The following SPPL2B variants were observed in gnomAD, a reference collection of about 807,000 sequenced individuals.
SPPL2B encodes signal peptide peptidase-like 2B.
Under a neutral mutation model 59.7 loss-of-function variants are expected in SPPL2B, and 39 were observed. That is an observed-to-expected ratio of 0.65 (90% CI 0.51 to 0.85). SPPL2B has a LOEUF of 0.85. Ranked by LOEUF, SPPL2B falls within the 40% of genes least tolerant of loss-of-function variation. The pLI, the probability that SPPL2B is intolerant of heterozygous loss-of-function variation, is 0.00. For missense variants in SPPL2B, 865 were observed against 849.0 expected, an observed-to-expected ratio of 1.02 and a Z score of -0.23; for synonymous variants, 419 against 370.8, an observed-to-expected ratio of 1.13 and a Z score of -1.49.
At chr19:2,341,365 G>A (rs1224714709) in intron 8 of SPPL2B, 4 of 499,970 alleles carry the variant, frequency 8.0e-6, no homozygotes, top group Non-Finnish European at 1.6e-5. Context: ...CCACGTGCAC[G>A]CCGCAGGTTC....
intron 1 of SPPL2B, 34 bp downstream of exon 1, chr19:2,328,809 G>A: frequency 7.4e-7 from 1 of 1,347,736 alleles, no homozygotes; most frequent in South Asian, 1.8e-5. Flanking sequence ...GGCACCGCGG[G>A]CTGCGGCCCT....
At position 2,337,873 on chromosome 19, in the gene SPPL2B, G is replaced by A. The variant is rs150115258; in HGVS notation, c.369+248G>A. On this transcript the variant is annotated intron_variant, in intron 3 of 14. Transcript: ENST00000613503. ...GCTGTGGAACTTTGGCCGTGGTCTT[G>A]TTGGGTGCCTGTCCTAGAGCAGCCC... is the stretch of plus-strand genomic sequence containing the variant. 3.0e-3 allele frequency: 1,493 copies of A among 490,780 alleles called. 4 individuals are homozygous for A. Among genetic ancestry groups the A allele is most frequent in the Non-Finnish European group, 4.5e-3 (1,242 of 276,600 alleles). 30.4% of individuals were successfully genotyped at this position (490,780 alleles called of 1,614,324 possible). A position where few individuals can be genotyped will look rare whatever the true frequency, so the allele number is the denominator to read the frequency against.
In SPPL2B at chr19:2,353,091, G is replaced by A. The variant is rs369670940; in HGVS notation, c.1661G>A (p.Arg554His). The A allele has an allele frequency of 2.5e-6, 4 of 1,611,472 alleles. No individual in the cohort carries two copies. The highest frequency in any genetic ancestry group is 2.2e-5 in the East Asian group (1 of 44,850). ...PWPAEQSPKS[R>H]TSEEMGAGAP... ...CCTGCTGAGCAGTCCCCAAAATCAC[G>A]CACGTCCGAGGAGATGGGGGCTGGA... is the stretch of plus-strand genomic sequence containing the variant. The change falls in exon 15 of 15, where the codon CGC becomes CAC. Residue 554 changes from arginine to histidine, a missense_variant. Physicochemically the swap from Arg to His is conservative, Grantham distance 29. Coordinates refer to ENST00000613503, the MANE Select transcript of SPPL2B (RefSeq NM_152988.3).
intron 8 of SPPL2B, chr19:2,341,885 C>G (rs1969079914): frequency 3.5e-6 from 1 of 286,178 alleles, no homozygotes; most frequent in Non-Finnish European, 7.0e-6. Flanking sequence ...ATCACTTTGC[C>G]CAGGAGTTCA....
At chr19:2,346,328 C>A (rs72987477) in intron 13 of SPPL2B, among the ~76,000 whole-genome samples, 223 of 152,380 alleles carry the variant, frequency 1.5e-3, no homozygotes, top group Non-Finnish European at 2.2e-3. Context: ...GTGCCCCTGG[C>A]TTTCCCCTCG....
intron 5 of SPPL2B, 83 bp from the exon 6 acceptor site, chr19:2,339,741 G>T: frequency 3.3e-6 from 5 of 1,519,124 alleles, no homozygotes; most frequent in Non-Finnish European, 3.6e-6. Flanking sequence ...TTTCTGCCCC[G>T]TTCCCCCGGG....
chr19:2,348,220 C>G (rs1223351167), intron 13 of SPPL2B, among the ~76,000 whole-genome samples: 2 of 126,172 alleles, frequency 1.6e-5, no homozygotes, highest in Non-Finnish European at 3.4e-5. Flanking sequence ...CACACACACA[C>G]TCTCATTCGC....
chr19:2,340,301 G>T, intron 7 of SPPL2B, 129 bp downstream of exon 7: 2 of 762,616 alleles, frequency 2.6e-6, no homozygotes, highest in South Asian at 3.7e-5. Context: ...CTCAGTGCTG[G>T]CCTGGGGCTC....
intron 7 of SPPL2B, 40 bp downstream of exon 7, chr19:2,340,212 G>A: frequency 2.1e-6 from 3 of 1,457,234 alleles, no homozygotes; most frequent in Non-Finnish European, 2.7e-6. Context: ...CTGACTCTGT[G>A]CGGTGATGGC....
In SPPL2B at chr19:2,339,145, T is replaced by A; in HGVS notation, c.536T>A (p.Phe179Tyr). ...PVLDYNMVII[F>Y]IMAVGTVAIG... The stretch of plus-strand genomic sequence containing the variant: ...CTGGACTACAACATGGTCATCATCT[T>A]CATCATGGCTGTGGGCACCGTCGCC... Residue 179 changes from phenylalanine (F) to tyrosine (Y), a missense_variant, in exon 5 of 15, where the codon TTC (phenylalanine) becomes TAC (tyrosine). Phe to Tyr is a conservative substitution (Grantham distance 22, BLOSUM62 3). Coordinates refer to ENST00000613503, the MANE Select transcript of SPPL2B (RefSeq NM_152988.3). 3.8e-6 allele frequency: 6 copies of A among 1,598,284 alleles called. No homozygotes were observed. Among genetic ancestry groups the A allele is most frequent in the Non-Finnish European group, 3.4e-6 (4 of 1,172,554 alleles).
intron 5 of SPPL2B, 118 bp downstream of exon 5, chr19:2,339,326 C>T (rs916973159): frequency 4.0e-5 from 47 of 1,187,702 alleles, no homozygotes; most frequent in African/African-American, 7.6e-5. Flanking sequence ...CGGCTCGCCC[C>T]GTGGAGCCCT....
At chr19:2,329,398 G>C (rs1968163521) in intron 1 of SPPL2B, among the ~76,000 whole-genome samples, 1 of 152,220 alleles carries the variant, frequency 6.6e-6, no homozygotes, top group African/African-American at 2.4e-5. Context: ...TGTCCAGGGT[G>C]ACCAGCGCCC....
chr19:2,351,415 G>A lies in SPPL2B; in HGVS notation c.1355-19G>A, dbSNP rs192290240. 45 of 1,578,330 alleles carry A rather than the reference G, an allele frequency of 2.9e-5. No individual in the cohort carries two copies. The highest frequency in any genetic ancestry group is 8.7e-5 in the Admixed American group (5 of 57,606). ...CCCTGGCCTGCCTGGCTGAGGTGAT[G>A]CCTCCTCTGTCCCCACAGCCTATGG... On this transcript the variant is annotated intron_variant, in intron 13 of 14. Coordinates refer to ENST00000613503, the MANE Select transcript of SPPL2B (RefSeq NM_152988.3).
chr19:2,346,092 G>C (rs1184117135), intron 13 of SPPL2B, among the ~76,000 whole-genome samples: 1 of 152,220 alleles, frequency 6.6e-6, no homozygotes, highest in Non-Finnish European at 1.5e-5. Flanking sequence ...GCAAAGTGCT[G>C]TTATCTGTTG....
At chr19:2,351,151 C>G (rs560204492) in intron 13 of SPPL2B, among the ~76,000 whole-genome samples, 57 of 152,348 alleles carry the variant, frequency 3.7e-4, no homozygotes, top group African/African-American at 1.3e-3. Flanking sequence ...CTGCAGCTGC[C>G]CGGACCCTGC....
intron 12 of SPPL2B, among the ~76,000 whole-genome samples, chr19:2,344,872 A>G (rs1009133566): frequency 1.3e-5 from 2 of 152,084 alleles, no homozygotes; most frequent in African/African-American, 4.8e-5. Flanking sequence ...GGAGCGGGGA[A>G]GGCCCCCCGA....
Position 2,337,449 on chromosome 19 carries a change from C to A in SPPL2B, c.193C>A (p.Leu65Met), listed in dbSNP as rs575788174. The A allele has an allele frequency of 1.2e-6, 2 of 1,600,444 alleles. No individual in the cohort carries two copies. Among genetic ancestry groups the A allele is most frequent in the African/African-American group, 2.7e-5 (2 of 74,666 alleles). The change falls in exon 3 of 15, where the codon CTG (leucine) becomes ATG (methionine). Residue 65 changes from leucine (L) to methionine (M), a missense_variant. By Grantham distance (15) the Leu-to-Met change is conservative. Transcript: ENST00000613503. ...TGTGCCCTGGCCTTTCCAGTCTTTCCTGCAGCTGCGCAACTGGACGGCCTC... is the reference window on the plus strand; with the variant it reads ...TGTGCCCTGGCCTTTCCAGTCTTTCATGCAGCTGCGCAACTGGACGGCCTC... Reference protein sequence around the residue: ...LPHDLSKASFLQLRNWTASLL... With the variant: ...LPHDLSKASFMQLRNWTASLL...
chr19:2,337,357 C>A (rs936627798), intron 2 of SPPL2B, 86 bp from the exon 3 acceptor site: 3 of 1,313,216 alleles, frequency 2.3e-6, no homozygotes, highest in Admixed American at 2.2e-5. Flanking sequence ...TCTAACTCAG[C>A]GCAGGCTTCA....
At chr19:2,339,525 AG>A (rs1322464045) in intron 5 of SPPL2B, among the ~76,000 whole-genome samples, 1 of 152,056 alleles carries the variant, frequency 6.6e-6, no homozygotes, top group Non-Finnish European at 1.5e-5. Flanking sequence ...GGGTCTGGGG[AG>A]GCCCCATGTC....
Sources: gnomAD v4.1 joint callset for allele counts (sites outside exome capture counted in the v4.1 genomes callset) on GRCh38, gnomAD v4.1.1 for gene constraint, MANE v1.5 for transcripts, NCBI Gene and HGNC (gene_info 2026-07-23, HGNC 2026-07-21) for gene names.